DACH1: variants seen among roughly 807,000 people sequenced by gnomAD.
The protein encoded by DACH1 is dachshund homolog 1.
A neutral mutation model predicts 54.2 loss-of-function variants in DACH1; 12 were observed. The ratio of observed to expected loss-of-function variants is 0.22; its 90% confidence interval spans 0.14 to 0.36. The LOEUF is 0.36. Among genes scored for constraint, DACH1 ranks in the 10% least tolerant of loss-of-function variants. The pLI is 1.00. For missense variants in DACH1, 805 were observed against 929.8 expected, an observed-to-expected ratio of 0.87 and a Z score of 1.75; for synonymous variants, 386 against 366.2, an observed-to-expected ratio of 1.05 and a Z score of -0.62.
chr13:71,734,800 G>A (rs1397823467), intron 1 of DACH1, among the ~76,000 whole-genome samples: 1 of 37,472 alleles, frequency 2.7e-5, no homozygotes, highest in African/African-American at 4.8e-5. Context: ...TCCCATATAC[G>A]TATACCCCAT....
chr13:71,439,944 TA>T lies in DACH1; in HGVS notation c.*710del, dbSNP rs1350267851. 1.3e-5 allele frequency: 2 copies of T among 151,720 alleles called. No homozygotes were observed. The highest frequency in any genetic ancestry group is 2.4e-5 in the African/African-American group (1 of 41,304). The allele number at this position is 151,720 out of a possible 1,614,324, so 9.4% of individuals were successfully genotyped here. On this transcript the variant is annotated 3_prime_UTR_variant, in exon 11 of 11. Coordinates refer to ENST00000613252, the MANE Select transcript of DACH1 (RefSeq NM_080759.6). The stretch of plus-strand genomic sequence containing the variant: ...GGAATGAAAACATGTTACACTTATA[TA>T]TTTTTTTTTATTTTTAAGAAAAAAA...
At chr13:71,807,281 T>C (rs1293573916) in intron 1 of DACH1, among the ~76,000 whole-genome samples, 1 of 152,164 alleles carries the variant, frequency 6.6e-6, no homozygotes, top group Non-Finnish European at 1.5e-5. Context: ...ATAACATTAT[T>C]TGCTAATATA....
chr13:71,776,839 CTTCT>C lies in DACH1; in HGVS notation c.848+89079_848+89082del, dbSNP rs368768524. 5.6e-3 allele frequency among the ~76,000 whole-genome samples: 844 copies of C among 151,946 alleles called. 7 individuals are homozygous for C. Among genetic ancestry groups the C allele is most frequent in the African/African-American group, 0.018 (751 of 41,402 alleles). On this transcript the variant is annotated intron_variant, in intron 1 of 10. Coordinates refer to ENST00000613252, the MANE Select transcript of DACH1 (RefSeq NM_080759.6). ...ACTCACTGGTAATTTTTTTCTTTGT[CTTCT>C]TTATCTTTTACCTTCAGCAAGTGAC...
intron 6 of DACH1, among the ~76,000 whole-genome samples, chr13:71,551,563 T>C (rs1047208574): frequency 6.6e-6 from 1 of 152,190 alleles, no homozygotes; most frequent in Non-Finnish European, 1.5e-5. Context: ...CTTTCTGTAC[T>C]TGGCTTATCT....
At chr13:71,488,350 A>G (rs1878709498) in intron 7 of DACH1, among the ~76,000 whole-genome samples, 1 of 151,782 alleles carries the variant, frequency 6.6e-6, no homozygotes, top group African/African-American at 2.4e-5. Context: ...TATCCCAAAC[A>G]CTCTTATTAT....
At chr13:71,515,521 T>C (rs1226958386) in intron 6 of DACH1, among the ~76,000 whole-genome samples, 2 of 151,938 alleles carry the variant, frequency 1.3e-5, no homozygotes, top group Non-Finnish European at 2.9e-5. Context: ...TTTGCTATGA[T>C]TTTGTTAAAG....
chr13:71,521,913 T>A (rs1364800867), intron 6 of DACH1, among the ~76,000 whole-genome samples: 8 of 152,148 alleles, frequency 5.3e-5, no homozygotes, highest in Admixed American at 5.2e-4. Context: ...AAACTTCGAT[T>A]TCAATAGAGT....
chr13:71,682,737 C>T (rs1318575996), intron 1 of DACH1, among the ~76,000 whole-genome samples: 1 of 151,972 alleles, frequency 6.6e-6, no homozygotes, highest in African/African-American at 2.4e-5. Flanking sequence ...ATAAAAATAC[C>T]TTGTGTTTTA....
intron 2 of DACH1, among the ~76,000 whole-genome samples, chr13:71,679,330 C>T (rs1027910922): frequency 1.9e-4 from 29 of 152,064 alleles, no homozygotes; most frequent in African/African-American, 6.3e-4. Context: ...CTTACTTACC[C>T]GAAAGTTACT....
chr13:71,503,979 C>A (rs905487291), intron 6 of DACH1, among the ~76,000 whole-genome samples: 2 of 152,038 alleles, frequency 1.3e-5, no homozygotes, highest in Non-Finnish European at 2.9e-5. Flanking sequence ...CTTCCCTTGG[C>A]GAGAAGGGGA....
At chr13:71,536,488 T>C (rs1366846725) in intron 6 of DACH1, among the ~76,000 whole-genome samples, 1 of 152,108 alleles carries the variant, frequency 6.6e-6, no homozygotes, top group Non-Finnish European at 1.5e-5. Context: ...AGCATAATAA[T>C]GAGAAGAAAC....
At chr13:71,808,120 T>G (rs1887582221) in intron 1 of DACH1, among the ~76,000 whole-genome samples, 1 of 152,152 alleles carries the variant, frequency 6.6e-6, no homozygotes, top group Admixed American at 6.6e-5. Context: ...CCATACCCAC[T>G]TACACCAAGC....
chr13:71,773,127 C>T (rs1036639425), intron 1 of DACH1, among the ~76,000 whole-genome samples: 22 of 151,740 alleles, frequency 1.4e-4, no homozygotes, highest in East Asian at 7.7e-4. Flanking sequence ...GTAATTCTTG[C>T]GGAAAATTTA....
chr13:71,584,672 A>AC (rs1245439374), intron 3 of DACH1, among the ~76,000 whole-genome samples: 1 of 152,166 alleles, frequency 6.6e-6, no homozygotes, highest in Non-Finnish European at 1.5e-5. Context: ...ATTTCAAAAA[A>AC]AATATTTTTT....
intron 4 of DACH1, among the ~76,000 whole-genome samples, chr13:71,563,864 A>C (rs1884745444): frequency 4.0e-5 from 6 of 151,680 alleles, no homozygotes; most frequent in Admixed American, 3.9e-4. Flanking sequence ...AATTTATGCA[A>C]GTGTTTATGA....
At chr13:71,755,187 C>A (rs1344763812) in intron 1 of DACH1, among the ~76,000 whole-genome samples, 1 of 151,998 alleles carries the variant, frequency 6.6e-6, no homozygotes, top group Non-Finnish European at 1.5e-5. Flanking sequence ...TTATAGCAGA[C>A]CTCAATCAAG....
chr13:71,542,428 C>T (rs1464500293), intron 6 of DACH1, among the ~76,000 whole-genome samples: 1 of 151,984 alleles, frequency 6.6e-6, no homozygotes, highest in Non-Finnish European at 1.5e-5. Context: ...ATCATACAGG[C>T]TGTTTCTTCA....
chr13:71,796,158 G>A (rs1887040424), intron 1 of DACH1, among the ~76,000 whole-genome samples: 1 of 152,010 alleles, frequency 6.6e-6, no homozygotes, highest in African/African-American at 2.4e-5. Context: ...ACTTCACAAT[G>A]GCCTCAATTC....
At chr13:71,705,211 T>A (rs1882374544) in intron 1 of DACH1, among the ~76,000 whole-genome samples, 1 of 152,226 alleles carries the variant, frequency 6.6e-6, no homozygotes, top group Non-Finnish European at 1.5e-5. Flanking sequence ...AGGTAGACTG[T>A]CATAAATCTT....
Sources: allele counts gnomAD v4.1 joint callset (sites outside exome capture counted in the v4.1 genomes callset), GRCh38; gene constraint gnomAD v4.1.1; transcripts MANE v1.5; gene names NCBI Gene and HGNC (gene_info 2026-07-23, HGNC 2026-07-21).